Variants in BTRC observed in about 807,000 individuals in gnomAD.
BTRC encodes the protein F-box/WD repeat-containing protein 1A.
A neutral mutation model predicts 85.5 loss-of-function variants in BTRC; 42 were observed. The ratio of observed to expected loss-of-function variants is 0.49; its 90% CI spans 0.38 to 0.64. The LOEUF is 0.64. BTRC is among the 30% of genes least tolerant of loss of function. The probability of loss-of-function intolerance (pLI) is 0.00; values close to 1 mark genes in which losing one functional copy is unlikely to be tolerated. For missense variants in BTRC, 594 were observed against 743.5 expected (o/e 0.80, Z 2.34); for synonymous variants, 255 against 263.3 (o/e 0.97, Z 0.30).
At chr10:101,479,537 C>T in intron 4 of BTRC, 80 bp downstream of exon 4, 2 of 1,144,372 alleles carry the variant, frequency 1.7e-6, no homozygotes, top group South Asian at 1.4e-5. Flanking sequence ...CTCAGTATTG[C>T]TTAAGGATTA....
Position 101,554,093 on chromosome 10 carries a change from A to G in BTRC, c.*970A>G, listed in dbSNP as rs1008432513. Reference sequence around the variant, plus strand: ...GGTGGGGAGAAGTTTCCTGGGCTCCATCAATGGCTGCATCTTTTCTGGACT... The same window carrying G: ...GGTGGGGAGAAGTTTCCTGGGCTCCGTCAATGGCTGCATCTTTTCTGGACT... On this transcript the variant is annotated 3_prime_UTR_variant, in exon 15 of 15. Coordinates refer to ENST00000370187, the MANE Select transcript of BTRC (RefSeq NM_033637.4). 3.3e-5 allele frequency: 5 copies of G among 152,244 alleles called. No homozygotes were observed. Among genetic ancestry groups the G allele is most frequent in the African/African-American group, 1.2e-4 (5 of 41,456 alleles). The allele number at this position is 152,244 out of a possible 1,614,324, so 9.4% of individuals were successfully genotyped here. A position where few individuals can be genotyped will look rare whatever the true frequency, so the allele number is the denominator to read the frequency against.
chr10:101,451,181 GCA>G (rs1194734897), intron 2 of BTRC, among the ~76,000 whole-genome samples: 3 of 152,152 alleles, frequency 2.0e-5, no homozygotes, highest in Non-Finnish European at 4.4e-5. Context: ...TAATCAGGTA[GCA>G]GTATTAAAAG....
At chr10:101,390,851 C>G (rs1270429029) in intron 1 of BTRC, among the ~76,000 whole-genome samples, 1 of 152,106 alleles carries the variant, frequency 6.6e-6, no homozygotes, top group Non-Finnish European at 1.5e-5. Context: ...TTTCCTGTCC[C>G]AAGCAGCTTC....
intron 1 of BTRC, among the ~76,000 whole-genome samples, chr10:101,425,108 A>G (rs1231836143): frequency 6.6e-6 from 1 of 152,148 alleles, no homozygotes; most frequent in African/African-American, 2.4e-5. Context: ...AGCTGCATCC[A>G]TGTTCTGCAG....
intron 4 of BTRC, among the ~76,000 whole-genome samples, chr10:101,503,242 T>C (rs568077258): frequency 6.6e-6 from 1 of 152,304 alleles, no homozygotes; most frequent in East Asian, 1.9e-4. Flanking sequence ...AGTGCATATG[T>C]AAACCTCTTT....
chr10:101,447,793 G>A (rs995089788), intron 2 of BTRC, among the ~76,000 whole-genome samples: 52 of 152,168 alleles, frequency 3.4e-4, no homozygotes, highest in African/African-American at 1.2e-3. Context: ...TTGAATTTCA[G>A]TGCTACAACG....
chr10:101,433,098 G>A (rs781013262), intron 2 of BTRC, among the ~76,000 whole-genome samples: 6 of 152,144 alleles, frequency 3.9e-5, no homozygotes, highest in East Asian at 1.9e-4. Context: ...CCCAGAGACC[G>A]CTTTCCAGTA....
At chr10:101,543,449 G>A (rs1293998339) in intron 13 of BTRC, among the ~76,000 whole-genome samples, 2 of 149,338 alleles carry the variant, frequency 1.3e-5, no homozygotes, top group Non-Finnish European at 3.0e-5. Context: ...ATATAGTTGG[G>A]CCATGTTTTT....
At chr10:101,425,829 A>G (rs1424852387) in intron 1 of BTRC, among the ~76,000 whole-genome samples, 10 of 151,642 alleles carry the variant, frequency 6.6e-5, no homozygotes, top group Admixed American at 2.0e-4. Context: ...AAAGAAAGGG[A>G]AAAAAAATTA....
At chr10:101,548,328 A>G (rs2062590258) in intron 13 of BTRC, among the ~76,000 whole-genome samples, 1 of 152,268 alleles carries the variant, frequency 6.6e-6, no homozygotes, top group South Asian at 2.1e-4. Context: ...ATCAGCCCCT[A>G]TGTCCACCAA....
chr10:101,442,710 C>T (rs537470193), intron 2 of BTRC, among the ~76,000 whole-genome samples: 3 of 152,058 alleles, frequency 2.0e-5, no homozygotes, highest in South Asian at 2.1e-4. Flanking sequence ...AAGGAATTAA[C>T]GTTTTTGAAA....
chr10:101,400,676 A>T (rs932252004), intron 1 of BTRC, among the ~76,000 whole-genome samples: 2 of 152,226 alleles, frequency 1.3e-5, no homozygotes, highest in Non-Finnish European at 2.9e-5. Flanking sequence ...TATGACGGCC[A>T]GCCTGGCCTT....
Position 101,521,267 on chromosome 10 carries a change from T to G in BTRC, c.325-372T>G, listed in dbSNP as rs1056025232. On this transcript the variant is annotated intron_variant, in intron 4 of 14. Transcript: ENST00000370187. ...CCAGCCTGGGTGACAGAGTGAGACC[T>G]TGTCTCAAAAAAAAGTTGTGAGCAA... 3.0e-4 allele frequency among the ~76,000 whole-genome samples: 46 copies of G among 152,280 alleles called. 1 individual carries two copies. The highest frequency in any genetic ancestry group is 1.9e-3 in the Admixed American group (29 of 15,288).
chr10:101,421,643 G>C (rs1355984486), intron 1 of BTRC, among the ~76,000 whole-genome samples: 1 of 108,310 alleles, frequency 9.2e-6, no homozygotes, highest in East Asian at 2.9e-4. Flanking sequence ...CCCACAACAG[G>C]CCCTGATGTG....
At chr10:101,382,650 G>GT (rs1408525203) in intron 1 of BTRC, among the ~76,000 whole-genome samples, 4 of 152,088 alleles carry the variant, frequency 2.6e-5, no homozygotes, top group African/African-American at 9.7e-5. Flanking sequence ...AGGTATATTT[G>GT]TAAGTATTCA....
chr10:101,374,502 AATC>A (rs1942733215), intron 1 of BTRC, among the ~76,000 whole-genome samples: 1 of 149,592 alleles, frequency 6.7e-6, no homozygotes, highest in South Asian at 2.2e-4. Context: ...TGAAATTGGA[AATC>A]ATCATTCTCA....
chr10:101,415,573 C>A (rs1031052311), intron 1 of BTRC, among the ~76,000 whole-genome samples: 1 of 145,500 alleles, frequency 6.9e-6, no homozygotes, highest in African/African-American at 2.6e-5. Context: ...CAGAGTTTCA[C>A]TCTTGTTGCC....
At chr10:101,549,606 C>T (rs562157334) in intron 13 of BTRC, among the ~76,000 whole-genome samples, 1 of 147,816 alleles carries the variant, frequency 6.8e-6, no homozygotes, top group African/African-American at 2.5e-5. Flanking sequence ...CCCAGCTACT[C>T]GGGAGGCTGA....
intron 13 of BTRC, among the ~76,000 whole-genome samples, chr10:101,549,040 G>A (rs759171596): frequency 4.0e-5 from 6 of 150,628 alleles, no homozygotes; most frequent in South Asian, 4.2e-4. Flanking sequence ...GCGACAGAGC[G>A]AGACTCTGTC....
Sources: allele counts gnomAD v4.1 joint callset (sites outside exome capture counted in the v4.1 genomes callset), GRCh38; gene constraint gnomAD v4.1.1; transcripts MANE v1.5; gene names NCBI Gene and HGNC (gene_info 2026-07-23, HGNC 2026-07-21).